The following TBC1D12 variants were observed in gnomAD, a reference collection of about 807,000 sequenced individuals.
The protein encoded by TBC1D12 is TBC1 domain family member 12.
TBC1D12 carries 56 observed loss-of-function variants against 86.7 expected under a neutral mutation model. The observed-to-expected ratio is 0.65, with a 90% CI of 0.52 to 0.81. The LOEUF is 0.81. Among genes scored for constraint, TBC1D12 ranks in the 30% least tolerant of loss-of-function variants. The probability of loss-of-function intolerance (pLI) is 0.00; values close to 1 mark genes in which losing one functional copy is unlikely to be tolerated. For synonymous variants in TBC1D12, 421 were observed against 411.7 expected (o/e 1.02, Z -0.27); for missense variants, 1,023 against 1,038.8 (o/e 0.98, Z 0.21).
intron 6 of TBC1D12, among the ~76,000 whole-genome samples, chr10:94,507,060 T>C (rs560897699): frequency 4.4e-4 from 67 of 152,328 alleles, no homozygotes; most frequent in African/African-American, 1.6e-3. Context: ...TCTGTATGGA[T>C]GATTACTCTG....
intron 2 of TBC1D12, among the ~76,000 whole-genome samples, chr10:94,456,791 T>C (rs1438971746): frequency 3.9e-5 from 6 of 152,230 alleles, no homozygotes; most frequent in Non-Finnish European, 8.8e-5. Context: ...AATAGTAGAT[T>C]CATCTATTAC....
chr10:94,465,821 C>T, intron 2 of TBC1D12, among the ~76,000 whole-genome samples: 1 of 150,934 alleles, frequency 6.6e-6, no homozygotes, highest in African/African-American at 2.4e-5. Context: ...CATACATACA[C>T]ATATACGTAT....
rs1488018774 is a variant in TBC1D12, at chr10:94,403,140, G to A, written c.527G>A (p.Gly176Glu). The A allele has an allele frequency of 8.5e-6, 12 of 1,418,092 alleles. No individual in the cohort carries two copies. In the South Asian group the frequency reaches 1.9e-4, roughly 22 times the overall value. The allele number at this position is 1,418,092 out of a possible 1,614,324, so 87.8% of individuals were successfully genotyped here. A position where few individuals can be genotyped will look rare whatever the true frequency, so the allele number is the denominator to read the frequency against. ...CCCTACGGCCGCCTTCGCCTGGAGG[G>A]GCCTGGCGACGAGGACGCGGACGGC... ...RRPYGRLRLE[G>E]PGDEDADGAG... The change falls in exon 1 of 13, where the codon GGG (glycine) becomes GAG (glutamate). Residue 176 changes from glycine to glutamate, a missense_variant. Transcript: ENST00000225235.
At chr10:94,472,848 A>G (rs944407493) in intron 2 of TBC1D12, among the ~76,000 whole-genome samples, 3 of 152,166 alleles carry the variant, frequency 2.0e-5, no homozygotes, top group African/African-American at 7.2e-5. Flanking sequence ...AAATAATTTG[A>G]TAGAGGAGAA....
In TBC1D12 at chr10:94,430,723, G is replaced by C. The variant is rs543792654; in HGVS notation, c.972-11173G>C. 4.6e-5 allele frequency among the ~76,000 whole-genome samples: 7 copies of C among 152,304 alleles called. No homozygotes were observed. In the East Asian group the frequency reaches 1.3e-3, roughly 29 times the overall value. Reference sequence around the variant, plus strand: ...CAACCTGTATTATAAAAGCCACTAAGGGAGAAGGCAGGGAAATGGTTGTAT... The same window carrying C: ...CAACCTGTATTATAAAAGCCACTAACGGAGAAGGCAGGGAAATGGTTGTAT... On this transcript the variant is annotated intron_variant, in intron 1 of 12. Transcript: ENST00000225235.
intron 1 of TBC1D12, among the ~76,000 whole-genome samples, chr10:94,421,678 T>G (rs1436578108): frequency 6.6e-6 from 1 of 152,224 alleles, no homozygotes; most frequent in Non-Finnish European, 1.5e-5. Context: ...CCAGTTTCTC[T>G]ATGTTCTTGT....
At chr10:94,406,427 A>T (rs1225816055) in intron 1 of TBC1D12, among the ~76,000 whole-genome samples, 1 of 152,176 alleles carries the variant, frequency 6.6e-6, no homozygotes, top group African/African-American at 2.4e-5. Flanking sequence ...ATTCTTGGGA[A>T]AGAAAGGGCA....
chr10:94,445,473 C>T (rs1159862896), intron 2 of TBC1D12, among the ~76,000 whole-genome samples: 1 of 152,144 alleles, frequency 6.6e-6, no homozygotes, highest in East Asian at 1.9e-4. Context: ...GCCTCTGCGG[C>T]CCCTTCTCTG....
chr10:94,443,094 T>A (rs1358426476), intron 2 of TBC1D12, among the ~76,000 whole-genome samples: 1 of 152,156 alleles, frequency 6.6e-6, no homozygotes, highest in East Asian at 1.9e-4. Context: ...GCACTAGCTG[T>A]TTAACCAGAA....
chr10:94,429,743 T>C (rs1306981386), intron 1 of TBC1D12, among the ~76,000 whole-genome samples: 3 of 151,074 alleles, frequency 2.0e-5, no homozygotes, highest in Non-Finnish European at 4.4e-5. Context: ...CCCCTCCACT[T>C]TTTTTTTTGA....
At chr10:94,525,810 TA>T (rs139793954) in intron 11 of TBC1D12, among the ~76,000 whole-genome samples, 1,837 of 152,302 alleles carry the variant, frequency 0.012, 54 homozygotes, top group African/African-American at 0.042. Flanking sequence ...AGTTTTAAAA[TA>T]TTTTTTTTAG....
At chr10:94,428,282 CTTTT>C (rs894535771) in intron 1 of TBC1D12, among the ~76,000 whole-genome samples, 2 of 99,924 alleles carry the variant, frequency 2.0e-5, no homozygotes. Context: ...TTTGGAACTT[CTTTT>C]TTTTTTTTTT....
In TBC1D12 at chr10:94,403,537, T is replaced by G; in HGVS notation, c.924T>G (p.Ala308=). 1 of 1,527,074 alleles carries G rather than the reference T, an allele frequency of 6.5e-7. No homozygotes were observed. Among genetic ancestry groups the G allele is most frequent in the Non-Finnish European group, 8.7e-7 (1 of 1,146,298 alleles). The allele number at this position is 1,527,074 out of a possible 1,614,324, so 94.6% of individuals were successfully genotyped here. A position where few individuals can be genotyped will look rare whatever the true frequency, so the allele number is the denominator to read the frequency against. The part of the protein sequence containing the change: ...LPAAEQGPAG[A]SARARRSGGF... ...CCGCGGAGCAGGGTCCTGCGGGGGC[T>G]TCGGCCCGGGCTCGACGGAGTGGCG... The change falls in exon 1 of 13, where the codon GCT becomes GCG. Residue 308 remains alanine (A), a synonymous_variant. Transcript: ENST00000225235.
intron 1 of TBC1D12, among the ~76,000 whole-genome samples, chr10:94,420,210 C>G (rs1433900978): frequency 6.6e-6 from 1 of 152,106 alleles, no homozygotes; most frequent in African/African-American, 2.4e-5. Flanking sequence ...TTTTTCTGCC[C>G]TGCTGCTATA....
At chr10:94,493,332 A>AATTGTC in intron 3 of TBC1D12, 33 bp from the exon 4 acceptor site, 1 of 1,534,606 alleles carries the variant, frequency 6.5e-7, no homozygotes, top group Non-Finnish European at 8.9e-7. Flanking sequence ...ATCTTTTAAA[A>AATTGTC]ATTGTCTTGA....
intron 1 of TBC1D12, among the ~76,000 whole-genome samples, chr10:94,419,432 T>G (rs1354568438): frequency 1.3e-5 from 2 of 152,122 alleles, no homozygotes; most frequent in African/African-American, 4.8e-5. Context: ...CTTACCACTT[T>G]GGGAAGCCCA....
intron 2 of TBC1D12, among the ~76,000 whole-genome samples, chr10:94,471,375 G>A (rs1328123094): frequency 6.6e-6 from 1 of 151,344 alleles, no homozygotes. Context: ...TGTATACTTA[G>A]TTCACGTTTT....
At position 94,485,638 on chromosome 10, in the gene TBC1D12, A is replaced by G. The variant is rs114649929; in HGVS notation, c.1212-7727A>G. ...TGAGTTCATAAGAATTCCCTCCTCT[A>G]TTTTTTGCAGTAATTTGAGTAGGAT... On this transcript the variant is annotated intron_variant, in intron 3 of 12. Coordinates refer to ENST00000225235, the MANE Select transcript of TBC1D12 (RefSeq NM_015188.2). Among the ~76,000 whole-genome samples the G allele has an allele frequency of 3.2e-3, 460 of 142,654 alleles. 4 individuals carry two copies. The highest frequency in any genetic ancestry group is 0.011 in the African/African-American group (424 of 38,196). The allele number at this position is 142,654 out of a possible 152,430, so 93.6% of individuals were successfully genotyped here. A position where few individuals can be genotyped will look rare whatever the true frequency, so the allele number is the denominator to read the frequency against.
intron 1 of TBC1D12, among the ~76,000 whole-genome samples, chr10:94,406,978 A>G (rs1465277498): frequency 6.6e-6 from 1 of 151,798 alleles, no homozygotes; most frequent in Non-Finnish European, 1.5e-5. Flanking sequence ...TTTATCCTCC[A>G]TGCTTTCCTT....
Sources: allele counts gnomAD v4.1 joint callset (sites outside exome capture counted in the v4.1 genomes callset), GRCh38; gene constraint gnomAD v4.1.1; transcripts MANE v1.5; gene names NCBI Gene and HGNC (gene_info 2026-07-23, HGNC 2026-07-21).